PCNX2: variants seen among roughly 807,000 people sequenced by gnomAD.
PCNX2 encodes the protein pecanex 2.
PCNX2 carries 168 observed loss-of-function variants against 223.8 expected under a neutral mutation model. The observed-to-expected ratio is 0.75, with a 90% CI of 0.66 to 0.85. The LOEUF (loss-of-function observed/expected upper bound fraction) is 0.85, where lower values mean the gene tolerates loss of function less well. PCNX2 is among the 40% of genes least tolerant of loss of function. The pLI, the probability that PCNX2 is intolerant of heterozygous loss-of-function variation, is 0.00. For missense variants in PCNX2, 2,507 were observed against 2,675.5 expected, an observed-to-expected ratio of 0.94 and a Z score of 1.39; for synonymous variants, 1,006 against 1,052.6, an observed-to-expected ratio of 0.96 and a Z score of 0.86.
intron 12 of PCNX2, among the ~76,000 whole-genome samples, chr1:233,215,154 G>A (rs537551460): frequency 9.5e-4 from 145 of 152,252 alleles, no homozygotes; most frequent in Admixed American, 3.4e-3. Flanking sequence ...CTGGGTTCCC[G>A]ATCCTGACCA....
chr1:233,118,142 A>G (rs911997815), intron 21 of PCNX2, among the ~76,000 whole-genome samples: 2 of 152,242 alleles, frequency 1.3e-5, no homozygotes, highest in African/African-American at 4.8e-5. Flanking sequence ...AAATCACAGA[A>G]TTACATCACC....
chr1:233,222,637 G>A (rs1280928435), intron 10 of PCNX2, among the ~76,000 whole-genome samples: 14 of 152,306 alleles, frequency 9.2e-5, no homozygotes, highest in African/African-American at 3.1e-4. Context: ...CAGACCAGGT[G>A]GTCACATTGA....
intron 1 of PCNX2, among the ~76,000 whole-genome samples, chr1:233,290,020 C>A (rs112826153): frequency 0.027 from 4,092 of 151,804 alleles, 167 homozygotes; most frequent in African/African-American, 0.093. Context: ...TAGGTGAAGC[C>A]TGGGGGGCGG....
intron 1 of PCNX2, among the ~76,000 whole-genome samples, chr1:233,266,556 A>C (rs972505240): frequency 6.6e-6 from 1 of 152,170 alleles, no homozygotes; most frequent in African/African-American, 2.4e-5. Context: ...TCTAGCTTCC[A>C]GTATTTTCTC....
intron 21 of PCNX2, among the ~76,000 whole-genome samples, chr1:233,133,448 C>G (rs936459133): frequency 6.6e-6 from 1 of 152,058 alleles, no homozygotes; most frequent in African/African-American, 2.4e-5. Flanking sequence ...AGGCCAGGGT[C>G]TACAATAAAA....
At chr1:233,199,618 G>C (rs897779857) in intron 14 of PCNX2, among the ~76,000 whole-genome samples, 1 of 152,118 alleles carries the variant, frequency 6.6e-6, no homozygotes, top group South Asian at 2.1e-4. Context: ...ATGTCACGTC[G>C]TGAGATTATA....
chr1:233,081,132 A>T lies in PCNX2; in HGVS notation c.4076+8929T>A, dbSNP rs1673340635. On this transcript the variant is annotated intron_variant, in intron 23 of 33. Coordinates refer to ENST00000258229, the MANE Select transcript of PCNX2 (RefSeq NM_014801.4). The stretch of plus-strand genomic sequence containing the variant: ...TGGAGGCCGAGGCGGGTGGATCACG[A>T]GGTCAGGAGTTCAAGACCAGCCTGG... Among the ~76,000 whole-genome samples, 3 of 152,234 alleles carry T rather than the reference A, an allele frequency of 2.0e-5. No homozygotes were observed. In the South Asian group the frequency reaches 6.2e-4, roughly 32 times the overall value.
At chr1:233,301,119 A>T in the PCNX2 span, among the ~76,000 whole-genome samples, 5 of 152,252 alleles carry the variant, frequency 3.3e-5, no homozygotes, top group Non-Finnish European at 5.9e-5. Context: ...ACTCTTATTT[A>T]TAAACATTAT....
intron 15 of PCNX2, among the ~76,000 whole-genome samples, chr1:233,183,444 A>T (rs1372472598): frequency 6.6e-6 from 1 of 152,232 alleles, no homozygotes; most frequent in East Asian, 1.9e-4. Flanking sequence ...AAGAATTTTC[A>T]GCAAGAAAAG....
intron 28 of PCNX2, among the ~76,000 whole-genome samples, chr1:233,005,687 G>A (rs1670259485): frequency 6.6e-6 from 1 of 152,206 alleles, no homozygotes; most frequent in Non-Finnish European, 1.5e-5. Flanking sequence ...AATGAAGAGG[G>A]GAAGGTGGTG....
chr1:233,117,989 G>A (rs1267409334), intron 21 of PCNX2, among the ~76,000 whole-genome samples: 1 of 146,398 alleles, frequency 6.8e-6, no homozygotes, highest in African/African-American at 2.5e-5. Flanking sequence ...CAGCCTGGGC[G>A]ACAGAGCGAG....
chr1:233,025,583 T>C, intron 25 of PCNX2, 184 bp from the exon 26 acceptor site: 1 of 711,566 alleles, frequency 1.4e-6, no homozygotes, highest in East Asian at 2.7e-5. Context: ...TGAACTCTTT[T>C]ATTCACTCAC....
Position 233,001,513 on chromosome 1 carries a change from T to C in PCNX2, c.5097+24A>G, listed in dbSNP as rs924467431. 3.2e-6 allele frequency: 4 copies of C among 1,231,746 alleles called. No homozygotes were observed. Among genetic ancestry groups the C allele is most frequent in the Non-Finnish European group, 4.1e-6 (4 of 968,054 alleles). The allele number at this position is 1,231,746 out of a possible 1,614,324, so 76.3% of individuals were successfully genotyped here. ...ATAAATAAATAAATAAATAAATAAATAAATAAATAAAATAGGTTTTTACCT... is the reference window on the plus strand; with the variant it reads ...ATAAATAAATAAATAAATAAATAAACAAATAAATAAAATAGGTTTTTACCT... On this transcript the variant is annotated intron_variant, in intron 29 of 33. Coordinates refer to ENST00000258229, the MANE Select transcript of PCNX2 (RefSeq NM_014801.4). This position sits in a 1 kb window ranked among gnomAD's most constrained non-coding sequence, Gnocchi z 4.2.
intron 17 of PCNX2, among the ~76,000 whole-genome samples, chr1:233,174,011 T>C (rs1470861301): frequency 1.4e-5 from 2 of 140,912 alleles, no homozygotes; most frequent in Admixed American, 7.1e-5. Context: ...CTTTACTCTT[T>C]ACTATTTTGC....
intron 25 of PCNX2, chr1:233,031,666 G>T: frequency 2.3e-6 from 2 of 866,436 alleles, no homozygotes; most frequent in Non-Finnish European, 2.8e-6. Flanking sequence ...TCAGGAAGGG[G>T]AAAAGCCCAG....
intron 32 of PCNX2, 133 bp downstream of exon 32, chr1:232,998,118 C>A (rs1009351700): frequency 3.2e-6 from 3 of 931,356 alleles, no homozygotes; most frequent in Non-Finnish European, 4.5e-6. Flanking sequence ...CAAGAGTCTG[C>A]AAATTTCCGG....
chr1:233,053,066 C>G (rs1207302074), intron 25 of PCNX2, among the ~76,000 whole-genome samples: 1 of 151,992 alleles, frequency 6.6e-6, no homozygotes, highest in African/African-American at 2.4e-5. Flanking sequence ...CTCCACACAG[C>G]CACCAGACCA....
At chr1:233,291,858 G>C (rs140731909) in intron 1 of PCNX2, 1 of 984,482 alleles carries the variant, frequency 1.0e-6, no homozygotes, top group African/African-American at 1.8e-5. Flanking sequence ...GTTGGGAACT[G>C]TGTATTTGAC....
chr1:233,258,878 G>C lies in PCNX2; in HGVS notation c.984C>G (p.Asp328Glu). The C allele has an allele frequency of 2.5e-6, 4 of 1,613,970 alleles. No homozygotes were observed. The highest frequency in any genetic ancestry group is 3.4e-6 in the Non-Finnish European group (4 of 1,179,890). ...AGGAGGTATCTACCTGACAGGATGTGTCTGCTGGCTCCTCCACAGGCTTGG... is the reference window on the plus strand; with the variant it reads ...AGGAGGTATCTACCTGACAGGATGTCTCTGCTGGCTCCTCCACAGGCTTGG... ...IVAKPVEEPA[D>E]TSCQVDTSCQ... The change falls in exon 5 of 34, where the codon GAC (aspartate) becomes GAG (glutamate). Residue 328 changes from aspartate (D) to glutamate (E), a missense_variant. By Grantham distance (45) the Asp-to-Glu change is conservative. Coordinates refer to ENST00000258229, the MANE Select transcript of PCNX2 (RefSeq NM_014801.4).
Sources: allele counts gnomAD v4.1 joint callset (sites outside exome capture counted in the v4.1 genomes callset), GRCh38; gene constraint gnomAD v4.1.1; non-coding constraint Gnocchi (gnomAD v3.1); transcripts MANE v1.5; gene names NCBI Gene and HGNC (gene_info 2026-07-23, HGNC 2026-07-21).